The following TBC1D3K variants were observed in gnomAD, a reference collection of about 807,000 sequenced individuals.
The protein encoded by TBC1D3K is TBC1 domain family member-like.
chr17:37,924,347 C>T (rs1304806474), upstream of TBC1D3K: 18 of 137,638 alleles, frequency 1.3e-4, no homozygotes, highest in Non-Finnish European at 2.2e-4. Context: ...CCTCAGGCAG[C>T]GGAGGACCCT....
chr17:37,923,926 G>A (rs1428771035), upstream of TBC1D3K, among the ~76,000 whole-genome samples: 4 of 6,674 alleles, frequency 6.0e-4, no homozygotes, highest in South Asian at 2.7e-3. Context: ...CTGTGTGCCC[G>A]GCACTTTCCC....
At chr17:37,930,136 C>T (rs2035619223) in intron 7 of TBC1D3K, among the ~76,000 whole-genome samples, 1 of 96,814 alleles carries the variant, frequency 1.0e-5, no homozygotes, top group Non-Finnish European at 2.6e-5. Context: ...GGAGACTCTG[C>T]ACATCGGTTT....
At chr17:37,924,292 TGTGCACGC>T (rs1353680588), upstream of TBC1D3K, 8 of 134,058 alleles carry the variant, frequency 6.0e-5, no homozygotes, top group East Asian at 1.4e-3. Context: ...CACATACACA[TGTGCACGC>T]ACGTGCACAA....
At chr17:37,930,147 G>A (rs2035619390) in intron 7 of TBC1D3K, among the ~76,000 whole-genome samples, 3 of 103,216 alleles carry the variant, frequency 2.9e-5, no homozygotes, top group Non-Finnish European at 4.9e-5. Flanking sequence ...ACATCGGTTT[G>A]GAACCGTGGA....
At chr17:37,924,385 G>A (rs2035597036), upstream of TBC1D3K, 2 of 139,300 alleles carry the variant, frequency 1.4e-5, no homozygotes, top group African/African-American at 5.6e-5. Flanking sequence ...ACCCGGGCAA[G>A]GCCCCACTGT....
intron 7 of TBC1D3K, among the ~76,000 whole-genome samples, chr17:37,929,942 C>T (rs1802756609): frequency 2.8e-5 from 1 of 35,512 alleles, no homozygotes; most frequent in African/African-American, 6.2e-5. Flanking sequence ...AAGCCAGACC[C>T]AATAAGCTAC....
At chr17:37,930,043 G>A (rs1301040641) in intron 7 of TBC1D3K, among the ~76,000 whole-genome samples, 1 of 53,252 alleles carries the variant, frequency 1.9e-5, no homozygotes, top group East Asian at 4.3e-4. Context: ...CTGACGGATC[G>A]GGGAGAGGCT....
exon 1 of TBC1D3K, chr17:37,924,556 AT>A (rs1354378727): frequency 8.0e-5 from 9 of 112,364 alleles, no homozygotes; most frequent in African/African-American, 3.2e-4. Context: ...AGGCCAGCTG[AT>A]TCATCAGAAT....
chr17:37,923,776 C>T, upstream of TBC1D3K, among the ~76,000 whole-genome samples: 1 of 23,270 alleles, frequency 4.3e-5, no homozygotes. Flanking sequence ...GCAGACTCAG[C>T]CCAGGTCAAA....
At chr17:37,930,234 G>A (rs1361545406) in intron 7 of TBC1D3K, among the ~76,000 whole-genome samples, 1 of 105,798 alleles carries the variant, frequency 9.5e-6, no homozygotes, top group African/African-American at 2.7e-5. Flanking sequence ...GAGTGAAAAG[G>A]ATCAGGCAAG....
At position 37,924,488 on chromosome 17, in the gene TBC1D3K, G is replaced by A. The variant is rs1174524719; in HGVS notation, c.-84G>A. 2 of 131,394 alleles carry A rather than the reference G, an allele frequency of 1.5e-5. No homozygotes were observed. Among genetic ancestry groups the A allele is most frequent in the East Asian group, 4.2e-4 (2 of 4,724 alleles). The allele number at this position is 131,394 out of a possible 1,614,324, so 8.1% of individuals were successfully genotyped here. On this transcript the variant is annotated 5_prime_UTR_variant, in exon 1 of 14. In the 5' UTR this introduces an upstream ATG that the reference lacks. Coordinates refer to ENST00000620247, the Ensembl canonical transcript of TBC1D3K. Reference sequence around the variant, plus strand: ...GGTCTACAGCAGTTACACACAGGCAGTGGTATCTGTGAGCAGCTCTGTGGA... The same window carrying A: ...GGTCTACAGCAGTTACACACAGGCAATGGTATCTGTGAGCAGCTCTGTGGA...
At chr17:37,924,166 T>TCC (rs2035591984), upstream of TBC1D3K, among the ~76,000 whole-genome samples, 1 of 90,236 alleles carries the variant, frequency 1.1e-5, no homozygotes, top group Admixed American at 1.1e-4. Context: ...CCATGGATGC[T>TCC]CTGATGCTGG....
upstream of TBC1D3K, chr17:37,924,280 C>T (rs1238325767): frequency 7.5e-6 from 1 of 132,694 alleles, no homozygotes; most frequent in South Asian, 2.4e-4. Flanking sequence ...GATGTGTTTA[C>T]CCACATACAC....
chr17:37,924,443 G>A, exon 1 of TBC1D3K: 1 of 134,910 alleles, frequency 7.4e-6, no homozygotes. Context: ...GCACCTATCT[G>A]CTCTCTGGCC....
chr17:37,924,295 G>C (rs1307485785), upstream of TBC1D3K: 12 of 134,040 alleles, frequency 9.0e-5, no homozygotes, highest in African/African-American at 3.2e-4. Context: ...ATACACATGT[G>C]CACGCACGTG....
At chr17:37,924,170 ATGCTGGC>A (rs2035592061), upstream of TBC1D3K, among the ~76,000 whole-genome samples, 1 of 91,132 alleles carries the variant, frequency 1.1e-5, no homozygotes, top group Admixed American at 1.1e-4. Flanking sequence ...GGATGCTCTG[ATGCTGGC>A]CCTGGGCCTC....
At chr17:37,930,097 C>T (rs1352869591) in intron 7 of TBC1D3K, among the ~76,000 whole-genome samples, 3 of 72,290 alleles carry the variant, frequency 4.1e-5, no homozygotes, top group African/African-American at 8.0e-5. Context: ...ATGAAGGAGT[C>T]GCCCCAGGAG....
At chr17:37,932,567 AG>A in intron 11 of TBC1D3K, 147 bp downstream of exon 11, 1 of 251,994 alleles carries the variant, frequency 4.0e-6, no homozygotes, top group Non-Finnish European at 8.5e-6. Context: ...CCTCTGCCCA[AG>A]GGGGGTCATC....
At chr17:37,928,609 AC>A in intron 5 of TBC1D3K, 39 bp from the exon 6 acceptor site, 6 of 306,066 alleles carry the variant, frequency 2.0e-5, no homozygotes. Context: ...CACTGGGGTC[AC>A]CCCGTGGCCT....
Sources: allele counts gnomAD v4.1 joint callset (sites outside exome capture counted in the v4.1 genomes callset), GRCh38; gene constraint gnomAD v4.1.1; transcripts MANE v1.5; gene names NCBI Gene and HGNC (gene_info 2026-07-23, HGNC 2026-07-21).